Variants in CPLX1 observed in about 807,000 individuals in gnomAD.
CPLX1 encodes complexin 1, also known as complexin-1.
CPLX1 carries 6 observed loss-of-function variants against 15.6 expected under a neutral mutation model. The observed-to-expected ratio is 0.39, with a 90% confidence interval of 0.21 to 0.76. The LOEUF (loss-of-function observed/expected upper bound fraction) is 0.76. Among genes scored for constraint, CPLX1 ranks in the 30% least tolerant of loss-of-function variants. CPLX1 has a pLI of 0.43. For missense variants in CPLX1, 242 were observed against 188.6 expected (o/e 1.28, Z -1.66); for synonymous variants, 91 against 75.2 (o/e 1.21, Z -1.08).
intron 3 of CPLX1, 48 bp downstream of exon 3, chr4:792,385 C>T: frequency 6.8e-7 from 1 of 1,465,564 alleles, no homozygotes; most frequent in Non-Finnish European, 9.0e-7. Context: ...TGGGTCCCCG[C>T]TGGACTCAGG....
At chr4:817,542 G>A (rs1746782482) in intron 2 of CPLX1, among the ~76,000 whole-genome samples, 1 of 151,826 alleles carries the variant, frequency 6.6e-6, no homozygotes, top group Admixed American at 6.6e-5. Context: ...GGGCAATAGA[G>A]CGAGACTCTG....
At chr4:800,954 T>A (rs929243201) in intron 2 of CPLX1, among the ~76,000 whole-genome samples, 1 of 150,244 alleles carries the variant, frequency 6.7e-6, no homozygotes, top group Non-Finnish European at 1.5e-5. Flanking sequence ...GAGGTGGAGG[T>A]TGCAGTGAGC....
chr4:802,950 C>CA (rs34752621), intron 2 of CPLX1, among the ~76,000 whole-genome samples: 2,205 of 98,860 alleles, frequency 0.022, 33 homozygotes, highest in Non-Finnish European at 0.028. Flanking sequence ...GACTCTGTCT[C>CA]AAAAAAAAAA....
At chr4:792,399 G>A (rs1266549407) in intron 3 of CPLX1, 34 bp downstream of exon 3, 21 of 1,492,128 alleles carry the variant, frequency 1.4e-5, no homozygotes, top group Non-Finnish European at 1.7e-5. Context: ...ACTCAGGGCC[G>A]CCTTCCCGCA....
chr4:812,470 A>C (rs1746681537), intron 2 of CPLX1, among the ~76,000 whole-genome samples: 2 of 152,100 alleles, frequency 1.3e-5, no homozygotes, highest in African/African-American at 4.8e-5. Context: ...TTTTAATGAG[A>C]GTGTTCCCAA....
intron 2 of CPLX1, among the ~76,000 whole-genome samples, chr4:798,086 T>C (rs1032678020): frequency 6.6e-6 from 1 of 151,954 alleles, no homozygotes. Context: ...ACAAGCCTGA[T>C]GGACATGGTG....
intron 2 of CPLX1, among the ~76,000 whole-genome samples, chr4:811,021 G>A (rs1313365886): frequency 6.6e-6 from 1 of 151,286 alleles, no homozygotes; most frequent in Non-Finnish European, 1.5e-5. Context: ...TTTATAAGAG[G>A]TGGGACCTTG....
chr4:787,733 G>T (rs3816676), intron 3 of CPLX1: 1 of 904,562 alleles, frequency 1.1e-6, no homozygotes, highest in Admixed American at 6.8e-5. Flanking sequence ...GTCAGGCCCC[G>T]GGGTTTTGGT....
intron 2 of CPLX1, among the ~76,000 whole-genome samples, chr4:802,847 A>G (rs1487286142): frequency 6.6e-6 from 1 of 151,608 alleles, no homozygotes; most frequent in African/African-American, 2.4e-5. Context: ...GCTACTCAGG[A>G]GGCTGAGGCA....
At chr4:818,931 G>T (rs1746811518) in intron 2 of CPLX1, among the ~76,000 whole-genome samples, 1 of 152,246 alleles carries the variant, frequency 6.6e-6, no homozygotes, top group South Asian at 2.1e-4. Context: ...TGGAAGGGCT[G>T]CCAGGCACTC....
chr4:788,328 G>C, intron 3 of CPLX1: 1 of 985,434 alleles, frequency 1.0e-6, no homozygotes, highest in South Asian at 4.7e-5. Context: ...AGGGCTGCAG[G>C]TGGCTCTGGG....
chr4:821,257 C>T (rs1560247814), intron 2 of CPLX1, among the ~76,000 whole-genome samples: 1 of 152,320 alleles, frequency 6.6e-6, no homozygotes, highest in Non-Finnish European at 1.5e-5. Flanking sequence ...GCCCGCTAGA[C>T]CTCCCCACAC....
rs181399248 is a variant in CPLX1 at position 812,369 on chromosome 4, A to G, written c.31+12123T>C. 1.5e-3 allele frequency among the ~76,000 whole-genome samples: 231 copies of G among 152,154 alleles called. 2 individuals are homozygous for G. Among genetic ancestry groups the G allele is most frequent in the Middle Eastern group, 6.8e-3 (2 of 294 alleles). On this transcript the variant is annotated intron_variant, in intron 2 of 3. Coordinates refer to ENST00000304062, the MANE Select transcript of CPLX1 (RefSeq NM_006651.4). ...TGGGATTACAGGCAGGAGCCACCGCACCCAGCAGAGTCTTTTTATATTTAA... is the reference window on the plus strand; with the variant it reads ...TGGGATTACAGGCAGGAGCCACCGCGCCCAGCAGAGTCTTTTTATATTTAA...
chr4:788,537 C>T (rs1235633896), intron 3 of CPLX1: 6 of 985,478 alleles, frequency 6.1e-6, no homozygotes, highest in African/African-American at 1.7e-5. Context: ...AGGGTAGGAA[C>T]GTTCTCCGCA....
intron 2 of CPLX1, among the ~76,000 whole-genome samples, chr4:810,898 T>A (rs1469843431): frequency 6.6e-6 from 1 of 151,984 alleles, no homozygotes; most frequent in East Asian, 1.9e-4. Context: ...GTTTTCACCA[T>A]GTTGGCCAGG....
In CPLX1 at chr4:824,651, G is replaced by T. The variant is rs777296982; in HGVS notation, c.-79-50C>A. ...GGTCACCCTAAGCAGGCCCCTGCCT[G>T]GCCTTCCCCAGAGACCATCATTCCT... On this transcript the variant is annotated intron_variant, in intron 1 of 3. Coordinates refer to ENST00000304062, the MANE Select transcript of CPLX1 (RefSeq NM_006651.4). 4.9e-5 allele frequency: 49 copies of T among 1,000,274 alleles called. No homozygotes were observed. In the African/African-American group the frequency reaches 6.0e-4, roughly 12 times the overall value. 62.0% of individuals were successfully genotyped at this position (1,000,274 alleles called of 1,614,324 possible).
intron 2 of CPLX1, among the ~76,000 whole-genome samples, chr4:817,020 A>G (rs1746769179): frequency 1.3e-5 from 2 of 152,204 alleles, no homozygotes; most frequent in Admixed American, 6.5e-5. Flanking sequence ...TGGTCCCTAC[A>G]TTAAGTTAAA....
At chr4:824,767 A>C in intron 1 of CPLX1, 166 bp from the exon 2 acceptor site, 1 of 681,822 alleles carries the variant, frequency 1.5e-6, no homozygotes, top group Non-Finnish European at 2.7e-6. Flanking sequence ...CCACACCCAA[A>C]CCAGGACCCC....
chr4:801,150 T>TAA (rs61022531), intron 2 of CPLX1, among the ~76,000 whole-genome samples: 2 of 131,906 alleles, frequency 1.5e-5, no homozygotes, highest in Non-Finnish European at 3.3e-5. Context: ...CCATCTCTAC[T>TAA]AAAAAAAAAA....
Sources: allele counts gnomAD v4.1 joint callset (sites outside exome capture counted in the v4.1 genomes callset), GRCh38; gene constraint gnomAD v4.1.1; transcripts MANE v1.5; gene names NCBI Gene and HGNC (gene_info 2026-07-23, HGNC 2026-07-21).